The following TVP23B variants were observed in gnomAD, a reference collection of about 807,000 sequenced individuals.
TVP23B encodes Golgi apparatus membrane protein TVP23 homolog B.
A neutral mutation model predicts 30.6 loss-of-function variants in TVP23B; 10 were observed. The ratio of observed to expected loss-of-function variants is 0.33; its 90% CI spans 0.20 to 0.55. The LOEUF is 0.55. Among genes scored for constraint, TVP23B ranks in the 20% least tolerant of loss-of-function variants. The probability of loss-of-function intolerance (pLI) is 0.91; values close to 1 mark genes in which losing one functional copy is unlikely to be tolerated. For synonymous variants in TVP23B, 67 were observed against 83.1 expected, an observed-to-expected ratio of 0.81 and a Z score of 1.06; for missense variants, 153 against 243.2, an observed-to-expected ratio of 0.63 and a Z score of 2.47.
chr17:18,805,394 A>G lies in TVP23B; in HGVS notation c.592-147A>G, dbSNP rs1597626024. 5 of 1,428,542 alleles carry G rather than the reference A, an allele frequency of 3.5e-6. No individual in the cohort carries two copies. In the African/African-American group the frequency reaches 5.8e-5, roughly 17 times the overall value. The allele number at this position is 1,428,542 out of a possible 1,614,324, so 88.5% of individuals were successfully genotyped here. On this transcript the variant is annotated intron_variant, in intron 6 of 6. Transcript: ENST00000307767. The stretch of plus-strand genomic sequence containing the variant: ...CCACGGCGCCCAGCCTAGCATGTCT[A>G]CTTTTTAATGTGATTGGGCCATTGT...
At chr17:18,784,075 G>A (rs2035859874) in intron 1 of TVP23B, among the ~76,000 whole-genome samples, 1 of 152,094 alleles carries the variant, frequency 6.6e-6, no homozygotes, top group Admixed American at 6.6e-5. Flanking sequence ...AACCTGGGAG[G>A]CGGAGCTTGC....
At chr17:18,796,349 G>T (rs370321532) in intron 3 of TVP23B, 1 of 152,210 alleles carries the variant, frequency 6.6e-6, no homozygotes, top group Non-Finnish European at 1.5e-5. Flanking sequence ...TTCGAGACCA[G>T]CCTGACCAAC....
intron 1 of TVP23B, among the ~76,000 whole-genome samples, chr17:18,783,128 G>A (rs976974647): frequency 7.0e-5 from 10 of 143,438 alleles, no homozygotes; most frequent in African/African-American, 2.6e-4. Flanking sequence ...TTTATGAGAC[G>A]GAGTTTCACT....
At chr17:18,788,761 G>GATGA (rs1400438063) in intron 1 of TVP23B, among the ~76,000 whole-genome samples, 6 of 152,190 alleles carry the variant, frequency 3.9e-5, no homozygotes, top group African/African-American at 1.4e-4. Flanking sequence ...CAGCCTGGGT[G>GATGA]ATGAGCAAAA....
chr17:18,798,783 A>G, intron 4 of TVP23B, 29 bp from the exon 5 acceptor site: 2 of 1,585,104 alleles, frequency 1.3e-6, no homozygotes, highest in Non-Finnish European at 1.7e-6. Flanking sequence ...ATTTCACAAC[A>G]TGATAATTGA....
In TVP23B at chr17:18,789,440, G is replaced by A. The variant is rs1263910135; in HGVS notation, c.95+5G>A. The A allele has an allele frequency of 6.2e-7, 1 of 1,613,868 alleles. No homozygotes were observed. The highest frequency in any genetic ancestry group is 8.5e-7 in the Non-Finnish European group (1 of 1,179,864). On this transcript the variant is annotated splice_donor_5th_base_variant and intron_variant, in intron 2 of 6. Transcript: ENST00000307767. The stretch of plus-strand genomic sequence containing the variant: ...ACCAAGAAAAGCCAAAATCAGGTAG[G>A]AGGAGAGAAGTTGCATGAGCTGTGT...
intron 1 of TVP23B, among the ~76,000 whole-genome samples, chr17:18,787,462 T>TA (rs1379231201): frequency 4.1e-5 from 6 of 147,900 alleles, no homozygotes; most frequent in Admixed American, 1.4e-4. Flanking sequence ...TATATGGAGG[T>TA]AGGAGCGGGT....
chr17:18,784,723 A>T (rs1470282751), intron 1 of TVP23B, among the ~76,000 whole-genome samples: 1 of 152,226 alleles, frequency 6.6e-6, no homozygotes, highest in African/African-American at 2.4e-5. Flanking sequence ...GACACAGATG[A>T]TGGATCCTCC....
At chr17:18,781,524 T>C (rs1306187499) in intron 1 of TVP23B, 1 of 748,162 alleles carries the variant, frequency 1.3e-6, no homozygotes, top group African/African-American at 1.8e-5. Context: ...AGCAAGTACT[T>C]CTTGCGGCTG....
At chr17:18,805,430 A>G in intron 6 of TVP23B, 111 bp from the exon 7 acceptor site, 2 of 1,530,214 alleles carry the variant, frequency 1.3e-6, no homozygotes, top group Non-Finnish European at 1.7e-6. Flanking sequence ...ATGTAAGGTA[A>G]TGCTCTGCTT....
intron 3 of TVP23B, among the ~76,000 whole-genome samples, chr17:18,795,501 G>C (rs143121986): frequency 0.051 from 7,792 of 152,166 alleles, 270 homozygotes; most frequent in Admixed American, 0.086. Context: ...AGTGCCTGCT[G>C]CTCTATCTGG....
chr17:18,786,628 G>A (rs2035910068), intron 1 of TVP23B, among the ~76,000 whole-genome samples: 1 of 152,206 alleles, frequency 6.6e-6, no homozygotes, highest in Admixed American at 6.5e-5. Flanking sequence ...ACTGAGGGCT[G>A]GACCCAAGTA....
chr17:18,798,283 T>C (rs2036105382), intron 4 of TVP23B, among the ~76,000 whole-genome samples: 2 of 152,220 alleles, frequency 1.3e-5, no homozygotes, highest in East Asian at 1.9e-4. Context: ...AAAGTGGCAC[T>C]GTGTTCAATG....
At chr17:18,791,171 T>C (rs1421172808) in intron 3 of TVP23B, 131 bp downstream of exon 3, 2 of 472,496 alleles carry the variant, frequency 4.2e-6, no homozygotes, top group Non-Finnish European at 3.2e-6. Context: ...GTGCTAGATA[T>C]ATCAAATTGC....
chr17:18,795,269 C>T (rs1343304053), intron 3 of TVP23B, among the ~76,000 whole-genome samples: 1 of 152,032 alleles, frequency 6.6e-6, no homozygotes, highest in Non-Finnish European at 1.5e-5. Context: ...GCCACCATGC[C>T]TGGCCAGGCA....
chr17:18,785,385 C>CT (rs61537943), intron 1 of TVP23B, among the ~76,000 whole-genome samples: 73,888 of 137,744 alleles, frequency 0.54, 18,841 homozygotes, highest in South Asian at 0.74. Context: ...AGCTATTTGT[C>CT]TTTTTTTTTT....
chr17:18,796,549 C>T (rs1257319932), intron 3 of TVP23B: 1 of 151,586 alleles, frequency 6.6e-6, no homozygotes, highest in East Asian at 1.9e-4. Context: ...GTCTCAAAAA[C>T]AAAAAACAAA....
intron 1 of TVP23B, among the ~76,000 whole-genome samples, chr17:18,783,992 C>G (rs2035857780): frequency 1.3e-5 from 2 of 151,832 alleles, no homozygotes; most frequent in African/African-American, 4.8e-5. Context: ...TAAAAAACAA[C>G]AAATTAGCCG....
Position 18,806,194 on chromosome 17 carries a change from AT to A in TVP23B, c.*628del. ...AAGTCATCTATTTAAGGCCCAGTTA[AT>A]ATAAGTGGAATCATCATAGTTTAAG... is the stretch of plus-strand genomic sequence containing the variant. On this transcript the variant is annotated 3_prime_UTR_variant, in exon 7 of 7. Transcript: ENST00000307767. 2 of 880,444 alleles carry A rather than the reference AT, an allele frequency of 2.3e-6. No homozygotes were observed. Among genetic ancestry groups the A allele is most frequent in the Non-Finnish European group, 2.7e-6 (2 of 733,860 alleles). 54.5% of individuals were successfully genotyped at this position (880,444 alleles called of 1,614,324 possible). A position where few individuals can be genotyped will look rare whatever the true frequency, so the allele number is the denominator to read the frequency against.
Sources: gnomAD v4.1 joint callset for allele counts (sites outside exome capture counted in the v4.1 genomes callset) on GRCh38, gnomAD v4.1.1 for gene constraint, MANE v1.5 for transcripts, NCBI Gene and HGNC (gene_info 2026-07-23, HGNC 2026-07-21) for gene names.